Variants in TACC3 observed in about 807,000 individuals in gnomAD.
TACC3 encodes the protein transforming acidic coiled-coil-containing protein 3.
In TACC3, 52 loss-of-function variants were observed where a neutral mutation model predicts 86.0. The ratio of observed to expected loss-of-function variants is 0.60; its 90% CI spans 0.48 to 0.76. TACC3 has a LOEUF of 0.76. Among genes scored for constraint, TACC3 ranks in the 30% least tolerant of loss-of-function variants. The probability of loss-of-function intolerance (pLI) is 0.00; values close to 1 mark genes in which losing one functional copy is unlikely to be tolerated. For synonymous variants in TACC3, 512 were observed against 430.0 expected, an observed-to-expected ratio of 1.19 and a Z score of -2.36; for missense variants, 1,120 against 1,070.4, an observed-to-expected ratio of 1.05 and a Z score of -0.65.
intron 6 of TACC3, among the ~76,000 whole-genome samples, chr4:1,734,491 G>A (rs1718156908): frequency 6.6e-6 from 1 of 152,152 alleles, no homozygotes; most frequent in Non-Finnish European, 1.5e-5. Flanking sequence ...CCCAGCCACA[G>A]TTTAAGAGTT....
At chr4:1,734,933 A>G (rs1213301121) in intron 6 of TACC3, among the ~76,000 whole-genome samples, 1 of 152,244 alleles carries the variant, frequency 6.6e-6, no homozygotes, top group Non-Finnish European at 1.5e-5. Context: ...AAGTTATATT[A>G]TCAAAAATTA....
chr4:1,720,654 A>ACAGCAGCGAGTGGCC (rs1717266836), upstream of TACC3: 2 of 1,545,410 alleles, frequency 1.3e-6, no homozygotes, highest in African/African-American at 2.7e-5. This position sits in a 1 kb window ranked among gnomAD's most constrained non-coding sequence, Gnocchi z 4.4. Context: ...AGCGAGTGGC[A>ACAGCAGCGAGTGGCC]CAACAGCGTG....
chr4:1,723,971 T>G (rs1368653709), intron 3 of TACC3, 101 bp downstream of exon 3: 1 of 1,373,792 alleles, frequency 7.3e-7, no homozygotes, highest in South Asian at 1.3e-5. Flanking sequence ...TGGCTGGATT[T>G]TTTGTTTGTT....
chr4:1,734,580 C>T (rs1718162902), intron 6 of TACC3, among the ~76,000 whole-genome samples: 1 of 152,224 alleles, frequency 6.6e-6, no homozygotes. Flanking sequence ...TAGCAAGACT[C>T]CTCCTCTACC....
At chr4:1,740,539 C>T (rs1718538813) in intron 12 of TACC3, 2 of 367,754 alleles carry the variant, frequency 5.4e-6, no homozygotes, top group Non-Finnish European at 9.9e-6. Flanking sequence ...ATACCGGCTC[C>T]CAGGCCTCAC....
chr4:1,733,064 C>T (rs1200039120), intron 6 of TACC3, among the ~76,000 whole-genome samples: 1 of 152,110 alleles, frequency 6.6e-6, no homozygotes, highest in Non-Finnish European at 1.5e-5. Context: ...TAAGAGAGCT[C>T]CAGTTTCTCC....
chr4:1,722,954 G>A (rs78203006), intron 1 of TACC3, among the ~76,000 whole-genome samples: 4,913 of 152,128 alleles, frequency 0.032, 258 homozygotes, highest in African/African-American at 0.11. Context: ...GACCAGAGCC[G>A]CTGTCCTGCT....
intron 9 of TACC3, 30 bp from the exon 10 acceptor site, chr4:1,737,568 G>A: frequency 6.8e-7 from 1 of 1,468,448 alleles, no homozygotes; most frequent in Non-Finnish European, 9.1e-7. Context: ...AGGGCGAAAT[G>A]GGTTCCTGTT....
chr4:1,734,061 C>T (rs564508245), intron 6 of TACC3, among the ~76,000 whole-genome samples: 7 of 152,124 alleles, frequency 4.6e-5, no homozygotes, highest in Non-Finnish European at 7.4e-5. Flanking sequence ...AATTGGCAAC[C>T]GTTTTTTAGC....
intron 1 of TACC3, among the ~76,000 whole-genome samples, chr4:1,722,531 C>G (rs1163824524): frequency 6.6e-6 from 1 of 152,164 alleles, no homozygotes; most frequent in Non-Finnish European, 1.5e-5. Flanking sequence ...GTGGGCTTCT[C>G]AAGCTGCAGC....
chr4:1,745,139 C>A lies in TACC3; in HGVS notation c.*126C>A. 2 of 1,022,738 alleles carry A rather than the reference C, an allele frequency of 2.0e-6. No homozygotes were observed. The highest frequency in any genetic ancestry group is 2.8e-6 in the Non-Finnish European group (2 of 706,076). 63.4% of individuals were successfully genotyped at this position (1,022,738 alleles called of 1,614,324 possible). On this transcript the variant is annotated 3_prime_UTR_variant, in exon 16 of 16. Transcript: ENST00000313288. ...TTTAAAAACTAGATTGCTTTGAAAACATGACTCAATAAAAGTTTCCTTTCA... is the reference window on the plus strand; with the variant it reads ...TTTAAAAACTAGATTGCTTTGAAAAAATGACTCAATAAAAGTTTCCTTTCA...
chr4:1,726,129 C>G (rs1025195395), intron 3 of TACC3, among the ~76,000 whole-genome samples: 1 of 152,228 alleles, frequency 6.6e-6, no homozygotes, highest in African/African-American at 2.4e-5. Flanking sequence ...TCCCAACAGC[C>G]GCCTCTTCTG....
rs764288795 is a variant in TACC3 at position 1,730,908 on chromosome 4, G to A, written c.1407G>A (p.Ala469=). 1.2e-5 allele frequency: 19 copies of A among 1,613,244 alleles called. No individual in the cohort carries two copies. The highest frequency in any genetic ancestry group is 3.3e-5 in the South Asian group (3 of 91,088). The change falls in exon 5 of 16, where the codon GCG becomes GCA. Residue 469 remains alanine, a synonymous_variant. Transcript: ENST00000313288. ...CCAGGCAGCTGCATTCAGCCTCAGC[G>A]GAGGACACGCCTGTGGTGCAGTTGG... The part of the protein sequence containing the change: ...CLSQQLHSAS[A]EDTPVVQLAA...
intron 10 of TACC3, 75 bp downstream of exon 10, chr4:1,737,777 C>A: frequency 7.5e-7 from 1 of 1,342,008 alleles, no homozygotes; most frequent in South Asian, 1.3e-5. Context: ...GGGCAGGGGT[C>A]CAACAGCCTG....
At chr4:1,743,649 G>T (rs1293262613) in intron 13 of TACC3, among the ~76,000 whole-genome samples, 1 of 152,224 alleles carries the variant, frequency 6.6e-6, no homozygotes, top group Non-Finnish European at 1.5e-5. Flanking sequence ...GGTCAGATGA[G>T]GGAAGCAGAG....
chr4:1,739,860 C>A (rs867452736), intron 11 of TACC3, 82 bp downstream of exon 11: 1 of 1,573,452 alleles, frequency 6.4e-7, no homozygotes, highest in African/African-American at 1.4e-5. Context: ...ATCCTTGTCC[C>A]CATCCCCCTC....
intron 8 of TACC3, among the ~76,000 whole-genome samples, 173 bp from the exon 9 acceptor site, chr4:1,737,068 C>G (rs1259476658): frequency 2.6e-5 from 4 of 152,192 alleles, no homozygotes; most frequent in African/African-American, 9.7e-5. Context: ...GGGCACGGAG[C>G]AGCAGAGAGG....
rs200068668 is a variant in TACC3, at chr4:1,728,117, G to C, written c.715G>C (p.Gly239Arg). The C allele has an allele frequency of 6.2e-7, 1 of 1,612,232 alleles. No homozygotes were observed. Among genetic ancestry groups the C allele is most frequent in the African/African-American group, 1.3e-5 (1 of 74,906 alleles). ...PHGAEEECRH[G>R]GVCAPAAVAT... The stretch of plus-strand genomic sequence containing the variant: ...CGGAGCCGAGGAGGAATGCCGGCAC[G>C]GTGGGGTCTGTGCTCCCGCAGCAGT... The change falls in exon 4 of 16, where the codon GGT (glycine) becomes CGT (arginine). Residue 239 changes from glycine to arginine, a missense_variant. By Grantham distance (125) the Gly-to-Arg change is moderately radical. Transcript: ENST00000313288.
chr4:1,730,577 A>G, intron 4 of TACC3: 1 of 512,840 alleles, frequency 1.9e-6, no homozygotes, highest in African/African-American at 1.9e-5. Flanking sequence ...GCCTTTTGTC[A>G]GTTTCACAGT....
Sources: allele counts gnomAD v4.1 joint callset (sites outside exome capture counted in the v4.1 genomes callset), GRCh38; gene constraint gnomAD v4.1.1; non-coding constraint Gnocchi (gnomAD v3.1); transcripts MANE v1.5; gene names NCBI Gene and HGNC (gene_info 2026-07-23, HGNC 2026-07-21).